BCAS4: variants seen among roughly 807,000 people sequenced by gnomAD.
BCAS4 encodes breast carcinoma-amplified sequence 4.
BCAS4 carries 9 observed loss-of-function variants against 15.7 expected under a neutral mutation model. The ratio of observed to expected loss-of-function variants is 0.57; its 90% confidence interval spans 0.34 to 1.00. The LOEUF (loss-of-function observed/expected upper bound fraction) is 1.00, where lower values mean the gene tolerates loss of function less well. Ranked by LOEUF, BCAS4 falls within the 50% of genes least tolerant of loss-of-function variation. BCAS4 has a pLI of 0.02. For missense variants in BCAS4, 225 were observed against 239.1 expected (o/e 0.94, Z 0.39); for synonymous variants, 101 against 99.5 (o/e 1.02, Z -0.09).
At chr20:50,831,066 T>G (rs1748364159) in intron 3 of BCAS4, among the ~76,000 whole-genome samples, 1 of 152,122 alleles carries the variant, frequency 6.6e-6, no homozygotes, top group African/African-American at 2.4e-5. Flanking sequence ...CGACATCATG[T>G]GATGATGACC....
At chr20:50,818,118 G>T (rs2088162915) in intron 1 of BCAS4, 93 bp from the exon 2 acceptor site, 1 of 1,173,210 alleles carries the variant, frequency 8.5e-7, no homozygotes, top group African/African-American at 1.6e-5. Context: ...ATAATCCTAA[G>T]ACTTAGTTTG....
At chr20:50,813,753 C>T (rs2088101763) in intron 1 of BCAS4, among the ~76,000 whole-genome samples, 1 of 139,320 alleles carries the variant, frequency 7.2e-6, no homozygotes, top group Non-Finnish European at 1.5e-5. Context: ...TGGGCATTCC[C>T]AGCTGGGAAG....
At chr20:50,860,609 C>T (rs955435257) in intron 4 of BCAS4, among the ~76,000 whole-genome samples, 24 of 152,338 alleles carry the variant, frequency 1.6e-4, no homozygotes, top group African/African-American at 5.5e-4. Flanking sequence ...GGCGTGGTGG[C>T]TCACGCCTAT....
intron 4 of BCAS4, among the ~76,000 whole-genome samples, chr20:50,860,232 A>G (rs1388556079): frequency 1.3e-5 from 2 of 152,178 alleles, no homozygotes; most frequent in Non-Finnish European, 2.9e-5. Context: ...GGATAGCAAC[A>G]TGAATCTGAC....
At chr20:50,816,770 A>ACG (rs2088142300) in intron 1 of BCAS4, among the ~76,000 whole-genome samples, 1 of 115,152 alleles carries the variant, frequency 8.7e-6, no homozygotes, top group Non-Finnish European at 1.8e-5. Context: ...GACTACAGAC[A>ACG]TGCACCACCA....
chr20:50,820,379 A>G (rs1290227594), intron 2 of BCAS4, among the ~76,000 whole-genome samples: 1 of 152,190 alleles, frequency 6.6e-6, no homozygotes, highest in South Asian at 2.1e-4. Context: ...TTCGTATAAC[A>G]GGTGGTGATG....
At chr20:50,818,175 C>T (rs1229741128) in intron 1 of BCAS4, 36 bp from the exon 2 acceptor site, 1 of 1,596,766 alleles carries the variant, frequency 6.3e-7, no homozygotes, top group Non-Finnish European at 8.6e-7. Context: ...CCCTGGAAAC[C>T]ACTTGCTAAT....
chr20:50,839,006 G>A (rs554262823), intron 3 of BCAS4, among the ~76,000 whole-genome samples: 3 of 152,164 alleles, frequency 2.0e-5, no homozygotes, highest in Non-Finnish European at 4.4e-5. Flanking sequence ...GTGGAGGGAG[G>A]AGGGAAGGTA....
chr20:50,800,853 C>T (rs956587619), intron 1 of BCAS4, among the ~76,000 whole-genome samples: 5 of 152,084 alleles, frequency 3.3e-5, no homozygotes, highest in Admixed American at 6.5e-5. Context: ...TGAGCCACCG[C>T]GCCTGGCGAA....
chr20:50,872,750 T>G (rs911262497), intron 4 of BCAS4, among the ~76,000 whole-genome samples: 3 of 152,206 alleles, frequency 2.0e-5, no homozygotes, highest in African/African-American at 7.2e-5. Flanking sequence ...CCTGGCTGAC[T>G]TCAGCCCAGT....
At chr20:50,812,347 A>T (rs2088077813) in intron 1 of BCAS4, among the ~76,000 whole-genome samples, 1 of 150,418 alleles carries the variant, frequency 6.6e-6, no homozygotes, top group Admixed American at 6.6e-5. Flanking sequence ...GTTAGCCAGG[A>T]TGGTCTCGAT....
At chr20:50,875,944 G>T (rs1979911769) in intron 4 of BCAS4, 1 of 456,086 alleles carries the variant, frequency 2.2e-6, no homozygotes, top group Admixed American at 2.3e-5. Context: ...ATATTGATCT[G>T]CCTGGCTTTT....
intron 2 of BCAS4, among the ~76,000 whole-genome samples, chr20:50,818,925 G>A (rs1388772895): frequency 6.6e-6 from 1 of 152,174 alleles, no homozygotes; most frequent in Non-Finnish European, 1.5e-5. Context: ...GCTCACACCT[G>A]TAATCCCAGC....
intron 4 of BCAS4, among the ~76,000 whole-genome samples, chr20:50,873,114 A>G (rs997145636): frequency 6.6e-6 from 1 of 152,192 alleles, no homozygotes; most frequent in African/African-American, 2.4e-5. Flanking sequence ...GGTTTCTTAC[A>G]TTAGTTCTCT....
chr20:50,859,785 T>A (rs548181711), intron 4 of BCAS4, among the ~76,000 whole-genome samples: 1 of 152,244 alleles, frequency 6.6e-6, no homozygotes, highest in East Asian at 1.9e-4. Flanking sequence ...TCTGGATGTG[T>A]GTGCGTGTTA....
intron 1 of BCAS4, among the ~76,000 whole-genome samples, chr20:50,805,309 A>G (rs2087976625): frequency 6.6e-6 from 1 of 152,104 alleles, no homozygotes; most frequent in Admixed American, 6.6e-5. Flanking sequence ...CTGGTATTTC[A>G]TGTGTGTTTG....
chr20:50,829,522 C>T (rs748264805), intron 2 of BCAS4, among the ~76,000 whole-genome samples: 60 of 152,072 alleles, frequency 3.9e-4, no homozygotes, highest in African/African-American at 1.4e-3. Flanking sequence ...GGATTACAGG[C>T]GTGAGCCACC....
intron 4 of BCAS4, among the ~76,000 whole-genome samples, chr20:50,874,732 T>C (rs1191525060): frequency 1.3e-5 from 2 of 151,770 alleles, no homozygotes; most frequent in African/African-American, 4.8e-5. Context: ...TGGTGTCAAG[T>C]GCAGGGGGAG....
chr20:50,821,553 T>G (rs2088217123), intron 2 of BCAS4, among the ~76,000 whole-genome samples: 1 of 152,206 alleles, frequency 6.6e-6, no homozygotes, highest in African/African-American at 2.4e-5. Flanking sequence ...TAAGAGCTGC[T>G]TTGAAATCCA....
Sources: gnomAD v4.1 joint callset for allele counts (sites outside exome capture counted in the v4.1 genomes callset) on GRCh38, gnomAD v4.1.1 for gene constraint, MANE v1.5 for transcripts, NCBI Gene and HGNC (gene_info 2026-07-23, HGNC 2026-07-21) for gene names.